Variants in UTRN observed in about 807,000 individuals in gnomAD.
UTRN encodes utrophin, also known as dystrophin-related protein 1.
UTRN carries 283 observed loss-of-function variants against 463.9 expected under a neutral mutation model. The ratio of observed to expected loss-of-function variants is 0.61; its 90% CI spans 0.55 to 0.67. The LOEUF is 0.67. Ranked by LOEUF, UTRN falls within the 30% of genes least tolerant of loss-of-function variation. UTRN has a pLI of 0.00. For synonymous variants in UTRN, 1,442 were observed against 1,431.5 expected (o/e 1.01, Z -0.17); for missense variants, 3,922 against 4,084.3 (o/e 0.96, Z 1.08).
Position 144,516,277 on chromosome 6 carries a change from A to G in UTRN, c.5293A>G (p.Thr1765Ala). ...PLYQCLVTTETFETGVPFSDL... is the reference protein window; with the variant it reads ...PLYQCLVTTEAFETGVPFSDL... The stretch of plus-strand genomic sequence containing the variant: ...ATACCAATGTTTGGTCACCACTGAA[A>G]CATTTGAAACTGGTGTGCCTTTCTC... The change falls in exon 38 of 75, where the codon ACA becomes GCA. Residue 1765 changes from threonine (T) to alanine (A), a missense_variant. This residue lies in a region of UTRN where 2,349 missense variants were observed against 2,303.8 expected (regional missense o/e 1.02). Transcript: ENST00000367545. 1 of 1,613,948 alleles carries G rather than the reference A, an allele frequency of 6.2e-7. No homozygotes were observed. The highest frequency in any genetic ancestry group is 1.1e-5 in the South Asian group (1 of 91,064).
intron 51 of UTRN, among the ~76,000 whole-genome samples, chr6:144,622,402 G>T (rs1481990763): frequency 6.6e-6 from 1 of 151,806 alleles, no homozygotes; most frequent in Non-Finnish European, 1.5e-5. Context: ...GGCCAGGCTG[G>T]TATCTAACTC....
chr6:144,306,887 C>G (rs1805788404), intron 2 of UTRN, among the ~76,000 whole-genome samples: 6 of 150,880 alleles, frequency 4.0e-5, no homozygotes, highest in Admixed American at 4.0e-4. Context: ...GAAACCCTAC[C>G]TCTACTAAAA....
At chr6:144,371,916 A>T (rs1780023723) in intron 2 of UTRN, among the ~76,000 whole-genome samples, 1 of 152,204 alleles carries the variant, frequency 6.6e-6, no homozygotes, top group Non-Finnish European at 1.5e-5. Context: ...ACCCACTGTG[A>T]CTATTTACAA....
At chr6:144,557,047 G>A in intron 49 of UTRN, 110 bp from the exon 50 acceptor site, 7 of 1,355,242 alleles carry the variant, frequency 5.2e-6, no homozygotes, top group Non-Finnish European at 6.9e-6. Flanking sequence ...TTTTCATCCT[G>A]TGATATCTGT....
intron 2 of UTRN, among the ~76,000 whole-genome samples, chr6:144,357,753 A>G (rs1778699859): frequency 6.6e-6 from 1 of 152,168 alleles, no homozygotes; most frequent in Non-Finnish European, 1.5e-5. Flanking sequence ...GGAAACATTT[A>G]TTTGCTGATA....
intron 69 of UTRN, 118 bp from the exon 70 acceptor site, chr6:144,835,662 C>T: frequency 7.3e-7 from 1 of 1,375,740 alleles, no homozygotes; most frequent in Admixed American, 2.0e-5. Flanking sequence ...AGACACTGAG[C>T]TCTAAGACAA....
chr6:144,478,075 T>A (rs1031652413), intron 25 of UTRN, among the ~76,000 whole-genome samples: 1 of 152,226 alleles, frequency 6.6e-6, no homozygotes, highest in Non-Finnish European at 1.5e-5. Context: ...CATTGACTAG[T>A]ACAAATGTTG....
chr6:144,367,764 A>G, intron 2 of UTRN, among the ~76,000 whole-genome samples: 1 of 152,046 alleles, frequency 6.6e-6, no homozygotes, highest in East Asian at 1.9e-4. Flanking sequence ...GAAAACCCCT[A>G]TATAAGGAGA....
chr6:144,344,110 A>AAAC (rs1562271812), intron 2 of UTRN: 1 of 1,128,340 alleles, frequency 8.9e-7, no homozygotes, highest in Non-Finnish European at 1.1e-6. Flanking sequence ...AAAAAAAAAA[A>AAAC]CCCAAAATAA....
intron 46 of UTRN, among the ~76,000 whole-genome samples, chr6:144,547,349 T>C (rs913139268): frequency 3.3e-5 from 5 of 152,234 alleles, no homozygotes; most frequent in Non-Finnish European, 5.9e-5. Context: ...TCTTTACTTA[T>C]GGTGCTCTTT....
rs1025817989 is a variant in UTRN, at chr6:144,604,903, G to A, written c.7479+27615G>A. ...GCACTCCAGCCTGGGTGACAAGAGC[G>A]AAACTCGGTCTCAAAATAAATAAAT... On this transcript the variant is annotated intron_variant, in intron 51 of 74. Transcript: ENST00000367545. 4.0e-5 allele frequency among the ~76,000 whole-genome samples: 6 copies of A among 151,876 alleles called. No individual in the cohort carries two copies. In the East Asian group the frequency reaches 5.8e-4, roughly 15 times the overall value.
intron 2 of UTRN, among the ~76,000 whole-genome samples, chr6:144,319,143 G>GT (rs112079177): frequency 8.7e-4 from 129 of 148,038 alleles, no homozygotes; most frequent in African/African-American, 9.4e-4. Flanking sequence ...ATTTAGTTAG[G>GT]TTTTTTTTTT....
chr6:144,545,746 A>G (rs188078095), intron 46 of UTRN, among the ~76,000 whole-genome samples: 108 of 152,348 alleles, frequency 7.1e-4, no homozygotes, highest in African/African-American at 2.5e-3. Context: ...CTGGCAGGGC[A>G]CGGTGGCTCA....
At chr6:144,811,109 CTTT>C (rs34131412) in intron 65 of UTRN, among the ~76,000 whole-genome samples, 1,611 of 151,608 alleles carry the variant, frequency 0.011, 26 homozygotes, top group East Asian at 0.057. Flanking sequence ...TAAATTGTGC[CTTT>C]TTTTTATGAA....
At chr6:144,645,271 T>C (rs1346417589) in intron 51 of UTRN, among the ~76,000 whole-genome samples, 1 of 152,226 alleles carries the variant, frequency 6.6e-6, no homozygotes, top group Non-Finnish European at 1.5e-5. Context: ...TAAGGAATTA[T>C]TTGTGTCTGC....
At chr6:144,495,493 C>T (rs970855373) in intron 33 of UTRN, among the ~76,000 whole-genome samples, 2 of 152,218 alleles carry the variant, frequency 1.3e-5, no homozygotes, top group Non-Finnish European at 2.9e-5. Context: ...ACAAGCGTGG[C>T]GCGCAGCCCC....
intron 2 of UTRN, among the ~76,000 whole-genome samples, chr6:144,295,434 A>G (rs957456094): frequency 1.3e-5 from 2 of 152,218 alleles, no homozygotes; most frequent in African/African-American, 4.8e-5. Flanking sequence ...AGTTCTTGAC[A>G]GTTTGGGATT....
intron 42 of UTRN, among the ~76,000 whole-genome samples, chr6:144,532,309 G>A (rs1378020265): frequency 2.6e-5 from 4 of 152,194 alleles, no homozygotes; most frequent in African/African-American, 4.8e-5. Flanking sequence ...CTGAGACTGG[G>A]TAATTTATAA....
At chr6:144,689,600 C>A (rs1342935983) in intron 52 of UTRN, among the ~76,000 whole-genome samples, 1 of 152,194 alleles carries the variant, frequency 6.6e-6, no homozygotes, top group Non-Finnish European at 1.5e-5. Flanking sequence ...CTGCCACAGT[C>A]CAGGCTGGTG....
Sources: allele counts gnomAD v4.1 joint callset (sites outside exome capture counted in the v4.1 genomes callset), GRCh38; gene constraint gnomAD v4.1.1; regional missense constraint gnomAD v4.1.1; transcripts MANE v1.5; gene names NCBI Gene and HGNC (gene_info 2026-07-23, HGNC 2026-07-21).